Variants in EYS observed in about 807,000 individuals in gnomAD.
The protein encoded by EYS is protein eyes shut homolog.
In EYS, 250 loss-of-function variants were observed where a neutral mutation model predicts 282.1. That is an observed-to-expected ratio of 0.89 (90% CI 0.80 to 0.98). The LOEUF (loss-of-function observed/expected upper bound fraction) is 0.98. EYS is among the 50% of genes least tolerant of loss of function. The pLI, the probability that EYS is intolerant of heterozygous loss-of-function variation, is 0.00. For synonymous variants in EYS, 1,355 were observed against 1,282.9 expected, an observed-to-expected ratio of 1.06 and a Z score of -1.20; for missense variants, 4,016 against 3,709.0, an observed-to-expected ratio of 1.08 and a Z score of -2.15.
intron 12 of EYS, among the ~76,000 whole-genome samples, chr6:65,111,646 G>A (rs530581061): frequency 3.9e-5 from 6 of 152,222 alleles, no homozygotes; most frequent in East Asian, 1.9e-4. Flanking sequence ...TCAGGAGTTC[G>A]AGACCAGCCT....
intron 2 of EYS, among the ~76,000 whole-genome samples, chr6:65,581,192 C>T (rs1034613132): frequency 3.3e-5 from 5 of 151,928 alleles, no homozygotes; most frequent in Admixed American, 1.3e-4. Flanking sequence ...ATTTCATGTA[C>T]TCGTCTTCAC....
intron 26 of EYS, among the ~76,000 whole-genome samples, chr6:64,480,799 G>A (rs1389457245): frequency 2.0e-5 from 3 of 151,780 alleles, no homozygotes; most frequent in South Asian, 2.1e-4. Context: ...TTATTCTACT[G>A]CTGTTACATA....
intron 14 of EYS, among the ~76,000 whole-genome samples, chr6:64,996,189 A>G (rs976595627): frequency 3.2e-4 from 48 of 152,276 alleles, no homozygotes; most frequent in African/African-American, 1.0e-3. Flanking sequence ...TGAGAGGTTC[A>G]GTCAAGAGTT....
chr6:64,997,854 C>G (rs1313627251), intron 13 of EYS, among the ~76,000 whole-genome samples, 151 bp from the exon 14 acceptor site: 1 of 151,932 alleles, frequency 6.6e-6, no homozygotes, highest in Non-Finnish European at 1.5e-5. Flanking sequence ...ACATAGTCAT[C>G]TACAATATTT....
chr6:64,501,471 T>A (rs1452525865), intron 26 of EYS, among the ~76,000 whole-genome samples: 1 of 152,172 alleles, frequency 6.6e-6, no homozygotes, highest in Non-Finnish European at 1.5e-5. Flanking sequence ...TATATATGTA[T>A]CTATATATCT....
At chr6:64,180,291 G>C (rs1764752219) in intron 31 of EYS, among the ~76,000 whole-genome samples, 1 of 152,048 alleles carries the variant, frequency 6.6e-6, no homozygotes, top group Non-Finnish European at 1.5e-5. Flanking sequence ...AAGAATGCTT[G>C]TGTTTCATAC....
chr6:63,740,792 G>T (rs1769056470), intron 41 of EYS, among the ~76,000 whole-genome samples: 1 of 152,190 alleles, frequency 6.6e-6, no homozygotes, highest in Non-Finnish European at 1.5e-5. Flanking sequence ...GTGTGAATGG[G>T]TCTGCCTCTA....
chr6:64,057,518 A>T (rs1771026848), intron 33 of EYS, among the ~76,000 whole-genome samples: 1 of 152,154 alleles, frequency 6.6e-6, no homozygotes, highest in Non-Finnish European at 1.5e-5. Context: ...ATGCATTTCC[A>T]AAACAATAGC....
chr6:65,452,615 A>T (rs1764446655), intron 5 of EYS, among the ~76,000 whole-genome samples: 1 of 152,066 alleles, frequency 6.6e-6, no homozygotes, highest in South Asian at 2.1e-4. Context: ...CATTTAGAAG[A>T]TTTGCAGACT....
intron 33 of EYS, among the ~76,000 whole-genome samples, chr6:64,022,975 C>T (rs1403545036): frequency 2.0e-5 from 3 of 152,166 alleles, no homozygotes; most frequent in East Asian, 1.9e-4. Context: ...ATTTTTTACT[C>T]GACTTCAACA....
intron 1 of EYS, among the ~76,000 whole-genome samples, chr6:65,697,176 A>G (rs576549400): frequency 6.6e-6 from 1 of 152,174 alleles, no homozygotes; most frequent in Admixed American, 6.5e-5. Flanking sequence ...AAATTATTAT[A>G]ATTAACAGTC....
intron 31 of EYS, among the ~76,000 whole-genome samples, chr6:64,103,859 G>A (rs559745799): frequency 6.6e-6 from 1 of 152,204 alleles, no homozygotes; most frequent in South Asian, 2.1e-4. Flanking sequence ...AAGAAAGAGG[G>A]AAGAGACTGG....
chr6:63,762,186 C>G (rs969565239), intron 41 of EYS, among the ~76,000 whole-genome samples: 1 of 151,618 alleles, frequency 6.6e-6, no homozygotes, highest in Non-Finnish European at 1.5e-5. Flanking sequence ...CTTGACTTAA[C>G]TGCATTTAGC....
chr6:65,542,233 CA>C (rs1562249522), intron 2 of EYS, among the ~76,000 whole-genome samples: 2 of 151,814 alleles, frequency 1.3e-5, no homozygotes, highest in African/African-American at 2.4e-5. Context: ...AAATACATTA[CA>C]AAAAATATTT....
intron 22 of EYS, among the ~76,000 whole-genome samples, chr6:64,727,722 C>G (rs1158304549): frequency 6.6e-6 from 1 of 152,204 alleles, no homozygotes; most frequent in Non-Finnish European, 1.5e-5. Flanking sequence ...AGCACACAAT[C>G]TCATAACACA....
intron 29 of EYS, among the ~76,000 whole-genome samples, chr6:64,318,032 G>T (rs899877977): frequency 6.6e-6 from 1 of 152,056 alleles, no homozygotes; most frequent in Non-Finnish European, 1.5e-5. Context: ...TTGTCAGGGG[G>T]TGGGGGCCTC....
At chr6:65,023,681 G>A (rs1315965640) in intron 13 of EYS, among the ~76,000 whole-genome samples, 1 of 152,180 alleles carries the variant, frequency 6.6e-6, no homozygotes, top group African/African-American at 2.4e-5. Context: ...AGCACAAGTG[G>A]ACACAGAAAT....
intron 2 of EYS, among the ~76,000 whole-genome samples, chr6:65,515,874 T>C (rs1029988784): frequency 6.6e-6 from 1 of 151,252 alleles, no homozygotes. Flanking sequence ...CACACCAGCA[T>C]GGCACATGTA....
rs1562141623 is a variant in EYS at position 63,999,174 on chromosome 6, CGTT to C, written c.6732_6734del (p.Thr2245del). 1.9e-6 allele frequency: 3 copies of C among 1,550,592 alleles called. No homozygotes were observed. The Admixed American group carries it at 5.9e-5, about 30-fold the overall frequency. ...AAACAACTCCAGGGCTGCCAACAGG[CGTT>C]GTGTAGCTAAACGTAAAACAGAAGA... On this transcript the variant is annotated inframe_deletion, in exon 34 of 43. Coordinates refer to ENST00000503581, the MANE Select transcript of EYS (RefSeq NM_001142800.2).
Sources: gnomAD v4.1 joint callset for allele counts (sites outside exome capture counted in the v4.1 genomes callset) on GRCh38, gnomAD v4.1.1 for gene constraint, MANE v1.5 for transcripts, NCBI Gene and HGNC (gene_info 2026-07-23, HGNC 2026-07-21) for gene names.